The following CFB variants were observed in gnomAD, a reference collection of about 807,000 sequenced individuals.
CFB encodes B-factor, properdin.
In CFB, 59 loss-of-function variants were observed where a neutral mutation model predicts 97.2. The observed-to-expected ratio is 0.61, with a 90% CI of 0.49 to 0.75. CFB has a LOEUF of 0.75. Among genes scored for constraint, CFB ranks in the 30% least tolerant of loss-of-function variants. The probability of loss-of-function intolerance (pLI) is 0.00; values close to 1 mark genes in which losing one functional copy is unlikely to be tolerated. For missense variants in CFB, 771 were observed against 959.8 expected (o/e 0.80, Z 2.60); for synonymous variants, 316 against 351.7 (o/e 0.90, Z 1.14).
In CFB at chr6:31,947,509, C is replaced by G. The variant is rs995165355; in HGVS notation, c.646C>G (p.Pro216Ala). 1.9e-6 allele frequency: 3 copies of G among 1,612,954 alleles called. No individual in the cohort carries two copies. The highest frequency in any genetic ancestry group is 1.7e-5 in the Admixed American group (1 of 59,992). The change falls in exon 4 of 18, where the codon CCT becomes GCT. Residue 216 changes from proline to alanine, a missense_variant. Coordinates refer to ENST00000425368, the MANE Select transcript of CFB (RefSeq NM_001710.6). The surrounding 1 kb of genome is among the most constrained non-coding windows in gnomAD (Gnocchi z 5.3). ...QEGGSWSGTEPSCQDSFMYDT... is the reference protein window; with the variant it reads ...QEGGSWSGTEASCQDSFMYDT... ...AGGTGGCTCTTGGAGCGGGACGGAG[C>G]CTTCCTGCCAAGGTGACCTTTGACC...
Position 31,949,566 on chromosome 6 carries a change from A to T in CFB, c.1408+9A>T. The T allele has an allele frequency of 6.2e-7, 1 of 1,612,918 alleles. No homozygotes were observed. The highest frequency in any genetic ancestry group is 8.5e-7 in the Non-Finnish European group (1 of 1,180,022). ...TTTCTACCAAATGATCGGTAGGGAG[A>T]TACAAGGGAATAAAGAACACAACTC... On this transcript the variant is annotated intron_variant, in intron 10 of 17. Coordinates refer to ENST00000425368, the MANE Select transcript of CFB (RefSeq NM_001710.6).
Position 31,946,124 on chromosome 6 carries a change from G to A in CFB, c.-98G>A. 4.1e-6 allele frequency: 5 copies of A among 1,227,386 alleles called. No homozygotes were observed. The highest frequency in any genetic ancestry group is 1.2e-5 in the South Asian group (1 of 83,270). 76.0% of individuals were successfully genotyped at this position (1,227,386 alleles called of 1,614,324 possible). On this transcript the variant is annotated 5_prime_UTR_variant, in exon 1 of 18. Coordinates refer to ENST00000425368, the MANE Select transcript of CFB (RefSeq NM_001710.6). The surrounding 1 kb of genome is among the most constrained non-coding windows in gnomAD (Gnocchi z 6.4). ...AGGGAATGTGACCAGGTCTAGGTCTGGAGTTTCAGCTTGGACACTGAGCCA... is the reference window on the plus strand; with the variant it reads ...AGGGAATGTGACCAGGTCTAGGTCTAGAGTTTCAGCTTGGACACTGAGCCA...
At position 31,952,016 on chromosome 6, in the gene CFB, T is replaced by C; in HGVS notation, c.2281T>C (p.Leu761=). Residue 761 remains leucine (L), a synonymous_variant, in exon 18 of 18, where the codon TTG becomes CTG. Coordinates refer to ENST00000425368, the MANE Select transcript of CFB (RefSeq NM_001710.6). Reference sequence around the variant, plus strand: ...GAAGGAGAAACTCCAAGATGAGGATTTGGGTTTTCTATAAGGGGTTTCCTG... The same window carrying C: ...GAAGGAGAAACTCCAAGATGAGGATCTGGGTTTTCTATAAGGGGTTTCCTG... ...WLKEKLQDED[L]GFL 6.2e-7 allele frequency: 1 copy of C among 1,612,916 alleles called. No homozygotes were observed. The highest frequency in any genetic ancestry group is 8.5e-7 in the Non-Finnish European group (1 of 1,180,016).
At chr6:31,948,143 T>A (rs1346426096) in intron 6 of CFB, 62 bp downstream of exon 6, 2 of 1,595,938 alleles carry the variant, frequency 1.3e-6, no homozygotes, top group African/African-American at 2.7e-5. Flanking sequence ...CAGGACTAGC[T>A]CCCTGATCAT....
chr6:31,947,765 C>CA lies in CFB; in HGVS notation c.684dup (p.Glu229ArgfsTer20), dbSNP rs751109090. On this transcript the variant is annotated frameshift_variant, in exon 5 of 18. Transcript: ENST00000425368. LOFTEE classifies it high-confidence loss of function. This position sits in a 1 kb window ranked among gnomAD's most constrained non-coding sequence, Gnocchi z 5.3. ...AGACTCCTTCATGTACGACACCCCT[C>CA]AAGAGGTGGCCGAAGCTTTCCTGTC... 6.2e-7 allele frequency: 1 copy of CA among 1,613,220 alleles called. No homozygotes were observed. The highest frequency in any genetic ancestry group is 8.5e-7 in the Non-Finnish European group (1 of 1,180,030).
In CFB at chr6:31,947,161, G is replaced by C. The variant is rs752299011; in HGVS notation, c.453G>C (p.Trp151Cys). 1 of 1,612,444 alleles carries C rather than the reference G, an allele frequency of 6.2e-7. No homozygotes were observed. The highest frequency in any genetic ancestry group is 8.5e-7 in the Non-Finnish European group (1 of 1,179,720). ...ANRTCQVNGR[W>C]SGQTAICDNG... ...GCACCTGCCAAGTGAATGGCCGATG[G>C]AGTGGGCAGACAGCGATCTGTGACA... is the stretch of plus-strand genomic sequence containing the variant. Residue 151 changes from tryptophan to cysteine, a missense_variant, in exon 3 of 18, where the codon TGG becomes TGC. By Grantham distance (215) the Trp-to-Cys change is radical (BLOSUM62 -2). Transcript: ENST00000425368. The surrounding 1 kb of genome is among the most constrained non-coding windows in gnomAD (Gnocchi z 5.3).
In CFB at chr6:31,948,934, C is replaced by T. The variant is rs773044494; in HGVS notation, c.1141C>T (p.Arg381Cys). The T allele has an allele frequency of 7.4e-6, 12 of 1,612,818 alleles. No individual in the cohort carries two copies. The highest frequency in any genetic ancestry group is 2.2e-5 in the South Asian group (2 of 91,068). Residue 381 changes from arginine (R) to cysteine (C), a missense_variant, in exon 8 of 18, where the codon CGC becomes TGC. Physicochemically the swap from Arg to Cys is radical, Grantham distance 180. Transcript: ENST00000425368. Reference sequence around the variant, plus strand: ...CCCTCCTGAAGGCTGGAACCGCACCCGCCATGTCATCATCCTCATGACTGA... The same window carrying T: ...CCCTCCTGAAGGCTGGAACCGCACCTGCCATGTCATCATCCTCATGACTGA... ...DVPPEGWNRT[R>C]HVIILMTDGL...
Position 31,950,172 on chromosome 6 carries a change from G to C in CFB, c.1506+25G>C, listed in dbSNP as rs752409734. 3.1e-6 allele frequency: 5 copies of C among 1,611,636 alleles called. No homozygotes were observed. In the Admixed American group the frequency reaches 8.3e-5, roughly 27 times the overall value. Reference sequence around the variant, plus strand: ...TGTAAGCACAGAATCCCAGTAGTGGGGACTTGGGGGAGGTGAGGTCAAGGT... The same window carrying C: ...TGTAAGCACAGAATCCCAGTAGTGGCGACTTGGGGGAGGTGAGGTCAAGGT... On this transcript the variant is annotated intron_variant, in intron 11 of 17. Transcript: ENST00000425368.
Position 31,947,832 on chromosome 6 carries a change from G to C in CFB, c.749G>C (p.Gly250Ala). ...ATAGAAGGAGTCGATGCTGAGGATG[G>C]GCACGGCCCAGGTTTGAAGACAGAG... Reference protein sequence around the residue: ...ETIEGVDAEDGHGPGEQQKRK... With the variant: ...ETIEGVDAEDAHGPGEQQKRK... The change falls in exon 5 of 18, where the codon GGG becomes GCG. Residue 250 changes from glycine to alanine, a missense_variant. Physicochemically the swap from Gly to Ala is moderately conservative, Grantham distance 60. Coordinates refer to ENST00000425368, the MANE Select transcript of CFB (RefSeq NM_001710.6). The surrounding 1 kb of genome is among the most constrained non-coding windows in gnomAD (Gnocchi z 5.3). 6.2e-7 allele frequency: 1 copy of C among 1,613,904 alleles called. No homozygotes were observed. Among genetic ancestry groups the C allele is most frequent in the Non-Finnish European group, 8.5e-7 (1 of 1,180,032 alleles).
rs1771736199 is a variant in CFB, at chr6:31,951,140, C to A, written c.1856-4C>A. Reference sequence around the variant, plus strand: ...AGCTGAAGTGACGCAGTCTATTCGTCCAGAGGAAGAGCTGCTCCCTGCACA... The same window carrying A: ...AGCTGAAGTGACGCAGTCTATTCGTACAGAGGAAGAGCTGCTCCCTGCACA... On this transcript the variant is annotated splice_polypyrimidine_tract_variant and splice_region_variant and intron_variant, in intron 14 of 17. Coordinates refer to ENST00000425368, the MANE Select transcript of CFB (RefSeq NM_001710.6). This position sits in a 1 kb window ranked among gnomAD's most constrained non-coding sequence, Gnocchi z 4.3. The A allele has an allele frequency of 6.2e-7, 1 of 1,612,496 alleles. No individual in the cohort carries two copies. The highest frequency in any genetic ancestry group is 8.5e-7 in the Non-Finnish European group (1 of 1,179,732).
rs1042138271 is a variant in CFB at position 31,948,403 on chromosome 6, T to C, written c.927T>C (p.Tyr309=). 5.0e-6 allele frequency: 8 copies of C among 1,614,198 alleles called. No homozygotes were observed. Among genetic ancestry groups the C allele is most frequent in the Non-Finnish European group, 6.8e-6 (8 of 1,180,038 alleles). ...CAAGTTATGGTGTGAAGCCAAGATA[T>C]GGTCTAGTGACATATGCCACATACC... The part of the protein sequence containing the change: ...KVASYGVKPR[Y]GLVTYATYPK... Residue 309 remains tyrosine (Y), a synonymous_variant, in exon 7 of 18, where the codon TAT becomes TAC. Transcript: ENST00000425368.
At chr6:31,948,708 C>G (rs768801475) in intron 7 of CFB, 122 bp from the exon 8 acceptor site, 17 of 1,555,534 alleles carry the variant, frequency 1.1e-5, no homozygotes, top group Non-Finnish European at 1.4e-5. Flanking sequence ...AAAGGGAAGT[C>G]CGTGTAATGA....
chr6:31,948,152 A>C, intron 6 of CFB, 71 bp downstream of exon 6: 2 of 1,589,434 alleles, frequency 1.3e-6, no homozygotes, highest in Non-Finnish European at 1.7e-6. Context: ...CTCCCTGATC[A>C]TTCCAGCCCC....
intron 7 of CFB, 49 bp from the exon 8 acceptor site, chr6:31,948,781 A>G: frequency 6.2e-7 from 1 of 1,613,036 alleles, no homozygotes; most frequent in Non-Finnish European, 8.5e-7. Flanking sequence ...TGGGGTTAAA[A>G]GATGGCTTGG....
rs1286457291 is a variant in CFB, at chr6:31,946,176, A to C, written c.-46A>C. The stretch of plus-strand genomic sequence containing the variant: ...GCAGACAAGCAAAGCAAGCCAGGAC[A>C]CACCATCCTGCCCCAGGCCCAGCTT... On this transcript the variant is annotated 5_prime_UTR_variant, in exon 1 of 18. Coordinates refer to ENST00000425368, the MANE Select transcript of CFB (RefSeq NM_001710.6). This position sits in a 1 kb window ranked among gnomAD's most constrained non-coding sequence, Gnocchi z 6.4. The C allele has an allele frequency of 6.2e-7, 1 of 1,602,310 alleles. No homozygotes were observed. Among genetic ancestry groups the C allele is most frequent in the Admixed American group, 1.7e-5 (1 of 60,012 alleles).
Position 31,948,308 on chromosome 6 carries a change from G to A in CFB, c.898-66G>A, listed in dbSNP as rs373881565. 45 of 1,608,780 alleles carry A rather than the reference G, an allele frequency of 2.8e-5. 1 individual carries two copies. Among genetic ancestry groups the A allele is most frequent in the South Asian group, 2.3e-4 (21 of 90,740 alleles). ...AGAGCCTCCCTGTCCCAGCAAAGTC[G>A]CTGAAATCTCCCAATCACAGTATTC... On this transcript the variant is annotated intron_variant, in intron 6 of 17. Coordinates refer to ENST00000425368, the MANE Select transcript of CFB (RefSeq NM_001710.6).
Position 31,946,689 on chromosome 6 carries a change from G to A in CFB, c.298+83G>A, listed in dbSNP as rs766698660. The A allele has an allele frequency of 6.8e-6, 9 of 1,322,148 alleles. No homozygotes were observed. Among genetic ancestry groups the A allele is most frequent in the Non-Finnish European group, 9.5e-6 (9 of 943,458 alleles). 81.9% of individuals were successfully genotyped at this position (1,322,148 alleles called of 1,614,324 possible). A position where few individuals can be genotyped will look rare whatever the true frequency, so the allele number is the denominator to read the frequency against. On this transcript the variant is annotated intron_variant, in intron 2 of 17. Transcript: ENST00000425368. The surrounding 1 kb of genome is among the most constrained non-coding windows in gnomAD (Gnocchi z 6.4). ...AAGGTCAGGACTAGGATGAGACTAG[G>A]CAGGGTGACAAGGTGGGCTGACCGG...
At position 31,951,653 on chromosome 6, in the gene CFB, G is replaced by C; in HGVS notation, c.2139+49G>C. On this transcript the variant is annotated intron_variant, in intron 17 of 17. Transcript: ENST00000425368. This position sits in a 1 kb window ranked among gnomAD's most constrained non-coding sequence, Gnocchi z 4.3. ...GGGAGATGCCAAGTGGTCAGCATGG[G>C]CCCCAAAGCAGGAAAGCTCAATGCA... is the stretch of plus-strand genomic sequence containing the variant. 2 of 1,612,292 alleles carry C rather than the reference G, an allele frequency of 1.2e-6. No individual in the cohort carries two copies. Among genetic ancestry groups the C allele is most frequent in the Non-Finnish European group, 1.7e-6 (2 of 1,178,362 alleles).
rs1771623641 is a variant in CFB at position 31,949,471 on chromosome 6, C to T, written c.1322C>T (p.Ala441Val). Residue 441 changes from alanine (A) to valine (V), a missense_variant, in exon 10 of 18, where the codon GCT (alanine) becomes GTT (valine). Coordinates refer to ENST00000425368, the MANE Select transcript of CFB (RefSeq NM_001710.6). ...TTGGTGAACCAAGTGAACATCAATG[C>T]TTTGGCTTCCAAGAAAGACAATGAG... The part of the protein sequence containing the change: ...GPLVNQVNIN[A>V]LASKKDNEQH... 1 of 1,614,078 alleles carries T rather than the reference C, an allele frequency of 6.2e-7. No individual in the cohort carries two copies. Among genetic ancestry groups the T allele is most frequent in the Non-Finnish European group, 8.5e-7 (1 of 1,180,020 alleles).
Sources: gnomAD v4.1 joint callset for allele counts on GRCh38, gnomAD v4.1.1 for gene constraint, Gnocchi (gnomAD v3.1) non-coding constraint, MANE v1.5 for transcripts, NCBI Gene and HGNC (gene_info 2026-07-23, HGNC 2026-07-21) for gene names.